GRID2: variants seen among roughly 807,000 people sequenced by gnomAD.
GRID2 encodes the protein glutamate receptor ionotropic, delta-2.
GRID2 carries 33 observed loss-of-function variants against 114.8 expected under a neutral mutation model. The observed-to-expected ratio is 0.29, with a 90% CI of 0.22 to 0.38. The LOEUF is 0.38. GRID2 is among the 10% of genes least tolerant of loss of function. The pLI, the probability that GRID2 is intolerant of heterozygous loss-of-function variation, is 1.00. For missense variants in GRID2, 1,184 were observed against 1,257.7 expected (o/e 0.94, Z 0.89); for synonymous variants, 505 against 449.9 (o/e 1.12, Z -1.55).
intron 2 of GRID2, among the ~76,000 whole-genome samples, chr4:92,859,108 C>A (rs1375396306): frequency 1.3e-5 from 2 of 152,048 alleles, no homozygotes; most frequent in African/African-American, 4.8e-5. Flanking sequence ...AAGAAAGAAT[C>A]AATGTGGCAA....
At chr4:92,934,874 T>C (rs1750536306) in intron 2 of GRID2, among the ~76,000 whole-genome samples, 1 of 146,988 alleles carries the variant, frequency 6.8e-6, no homozygotes, top group South Asian at 2.3e-4. Context: ...TTACACCTTA[T>C]ACCAAAATTA....
chr4:92,706,197 G>A (rs922802028), intron 2 of GRID2, among the ~76,000 whole-genome samples: 12 of 152,112 alleles, frequency 7.9e-5, no homozygotes, highest in Admixed American at 4.6e-4. Context: ...AAGAGTCAAA[G>A]CTACGTATGC....
intron 8 of GRID2, among the ~76,000 whole-genome samples, chr4:93,252,854 T>G (rs1749129700): frequency 6.6e-6 from 1 of 152,138 alleles, no homozygotes; most frequent in Non-Finnish European, 1.5e-5. Context: ...TCATTTGTGA[T>G]TTGGCTCTTG....
chr4:93,703,219 T>C (rs183350912), intron 14 of GRID2, among the ~76,000 whole-genome samples: 3 of 152,282 alleles, frequency 2.0e-5, no homozygotes, highest in Non-Finnish European at 4.4e-5. Context: ...TTCTAAAGTG[T>C]TACTTTCCTA....
chr4:92,616,151 T>C (rs1394244401), intron 2 of GRID2, among the ~76,000 whole-genome samples: 1 of 151,676 alleles, frequency 6.6e-6, no homozygotes, highest in Non-Finnish European at 1.5e-5. Context: ...GTAGTGTTTA[T>C]TGGAAGAAAA....
chr4:92,597,651 A>G (rs1279706357), intron 2 of GRID2, among the ~76,000 whole-genome samples: 1 of 152,180 alleles, frequency 6.6e-6, no homozygotes, highest in African/African-American at 2.4e-5. Flanking sequence ...CTTTTCTCCT[A>G]ATAATAGCAC....
chr4:92,921,194 C>T (rs1436602119), intron 2 of GRID2, among the ~76,000 whole-genome samples: 1 of 152,148 alleles, frequency 6.6e-6, no homozygotes. Context: ...TGGTTTTCAG[C>T]TTCATCAGGT....
chr4:93,288,186 T>C (rs1422109928), intron 8 of GRID2, among the ~76,000 whole-genome samples: 1 of 152,216 alleles, frequency 6.6e-6, no homozygotes, highest in Non-Finnish European at 1.5e-5. Context: ...GCCTTTTACA[T>C]TAGAGACAGA....
chr4:92,620,091 G>T (rs1730194164), intron 2 of GRID2, among the ~76,000 whole-genome samples: 1 of 151,714 alleles, frequency 6.6e-6, no homozygotes, highest in Admixed American at 6.6e-5. Flanking sequence ...TGGTTAGTCT[G>T]GAATACTATC....
At chr4:93,173,185 T>G (rs1739013931) in intron 4 of GRID2, among the ~76,000 whole-genome samples, 1 of 152,166 alleles carries the variant, frequency 6.6e-6, no homozygotes, top group Non-Finnish European at 1.5e-5. Context: ...AAGAAACTAG[T>G]TAGAAAATTA....
chr4:92,783,183 C>T (rs1384230650), intron 2 of GRID2, among the ~76,000 whole-genome samples: 1 of 151,960 alleles, frequency 6.6e-6, no homozygotes, highest in African/African-American at 2.4e-5. Context: ...TCAAATAGTT[C>T]TGAAGCAAGG....
intron 1 of GRID2, among the ~76,000 whole-genome samples, chr4:93,781,795 T>C (rs1734486145): frequency 6.6e-6 from 1 of 152,058 alleles, no homozygotes; most frequent in African/African-American, 2.4e-5. Flanking sequence ...GTACAGAGTG[T>C]TTTTCTGAAT....
chr4:92,506,251 A>T (rs2054440216), intron 1 of GRID2, among the ~76,000 whole-genome samples: 1 of 151,942 alleles, frequency 6.6e-6, no homozygotes, highest in Non-Finnish European at 1.5e-5. Context: ...TGGTGGTGGG[A>T]TTCTAAATGA....
intron 10 of GRID2, among the ~76,000 whole-genome samples, chr4:93,439,885 T>C (rs1721466213): frequency 1.3e-5 from 2 of 152,014 alleles, no homozygotes; most frequent in African/African-American, 4.8e-5. Flanking sequence ...CCTATCTCTC[T>C]ATGCCAGCAG....
chr4:93,025,487 C>G (rs948390443), intron 2 of GRID2, among the ~76,000 whole-genome samples: 5 of 151,652 alleles, frequency 3.3e-5, no homozygotes, highest in Admixed American at 3.3e-4. Context: ...ACAACAAAAT[C>G]AGGTCCTCTA....
intron 2 of GRID2, among the ~76,000 whole-genome samples, chr4:92,643,348 G>A (rs1337458598): frequency 1.3e-5 from 2 of 151,502 alleles, no homozygotes; most frequent in African/African-American, 4.8e-5. Flanking sequence ...AGAGCAATCA[G>A]GCAAGAGAAG....
intron 14 of GRID2, among the ~76,000 whole-genome samples, chr4:93,673,171 T>G (rs913763918): frequency 7.9e-5 from 12 of 152,268 alleles, no homozygotes; most frequent in African/African-American, 2.9e-4. Flanking sequence ...ACAGTAGAGA[T>G]TAAACAGAGC....
intron 2 of GRID2, among the ~76,000 whole-genome samples, chr4:93,040,099 T>C (rs1725356125): frequency 6.6e-6 from 1 of 152,162 alleles, no homozygotes; most frequent in Non-Finnish European, 1.5e-5. Context: ...TGGACTGATT[T>C]ATGTTCTGTG....
At chr4:93,578,736 G>A (rs910313570) in intron 13 of GRID2, among the ~76,000 whole-genome samples, 1 of 151,798 alleles carries the variant, frequency 6.6e-6, no homozygotes, top group South Asian at 2.1e-4. Flanking sequence ...TGGGACTACA[G>A]GCGTCCGCCA....
Sources: gnomAD v4.1 joint callset for allele counts (sites outside exome capture counted in the v4.1 genomes callset) on GRCh38, gnomAD v4.1.1 for gene constraint, MANE v1.5 for transcripts, NCBI Gene and HGNC (gene_info 2026-07-23, HGNC 2026-07-21) for gene names.